Variants in CSNK1A1 observed in about 807,000 individuals in gnomAD.
The protein encoded by CSNK1A1 is casein kinase I isoform alpha.
Under a neutral mutation model 46.1 loss-of-function variants are expected in CSNK1A1, and 7 were observed. The observed-to-expected ratio is 0.15, with a 90% CI of 0.09 to 0.29. CSNK1A1 has a LOEUF of 0.29. CSNK1A1 is among the 10% of genes least tolerant of loss of function. The pLI is 1.00. For missense variants in CSNK1A1, 96 were observed against 417.1 expected (o/e 0.23, Z 6.71); for synonymous variants, 137 against 141.5 (o/e 0.97, Z 0.23).
intron 4 of CSNK1A1, among the ~76,000 whole-genome samples, chr5:149,518,216 C>G (rs1039003253): frequency 2.6e-5 from 4 of 151,932 alleles, no homozygotes; most frequent in South Asian, 2.1e-4. Context: ...CCCTTCCCCC[C>G]CAAAAAAATA....
chr5:149,550,988 G>C lies in CSNK1A1; in HGVS notation c.-24C>G. On this transcript the variant is annotated 5_prime_UTR_variant, in exon 1 of 10. Coordinates refer to ENST00000377843, the MANE Select transcript of CSNK1A1 (RefSeq NM_001892.6). This position sits in a 1 kb window ranked among gnomAD's most constrained non-coding sequence, Gnocchi z 4.3. ...ATCCTGAGAGACGAAGATGGAGGCT[G>C]GGGCCAAGCCCCGACACCTCTGGGA... 1 of 1,613,318 alleles carries C rather than the reference G, an allele frequency of 6.2e-7. No homozygotes were observed. The highest frequency in any genetic ancestry group is 8.5e-7 in the Non-Finnish European group (1 of 1,179,782).
chr5:149,496,895 T>A (rs1760670796), intron 9 of CSNK1A1, 35 bp from the exon 10 acceptor site: 1 of 1,532,456 alleles, frequency 6.5e-7, no homozygotes. Flanking sequence ...AAAGTTAAAA[T>A]TCCAAGTCAA....
chr5:149,514,346 A>G (rs1761332218), intron 4 of CSNK1A1, among the ~76,000 whole-genome samples: 1 of 152,244 alleles, frequency 6.6e-6, no homozygotes, highest in South Asian at 2.1e-4. Context: ...AACTATTTTT[A>G]TGAAAAAGAA....
rs1760614389 is a variant in CSNK1A1, at chr5:149,495,056, T to C, written c.*1797A>G. The C allele has an allele frequency of 6.6e-6, 1 of 152,114 alleles. No homozygotes were observed. The highest frequency in any genetic ancestry group is 1.5e-5 in the Non-Finnish European group (1 of 68,018). The allele number at this position is 152,114 out of a possible 1,614,324, so 9.4% of individuals were successfully genotyped here. On this transcript the variant is annotated 3_prime_UTR_variant, in exon 10 of 10. Transcript: ENST00000377843. ...AAGGGTTTATTAGTCAAGAAACAAATACCTCAACCGACAAGGGTGGATAGA... is the reference window on the plus strand; with the variant it reads ...AAGGGTTTATTAGTCAAGAAACAAACACCTCAACCGACAAGGGTGGATAGA...
Position 149,541,923 on chromosome 5 carries a change from A to T in CSNK1A1, c.230+8152T>A, listed in dbSNP as rs541892488. ...GAAGTGGAGGTTGCAGTGAGTCAAG[A>T]TCACGCCATTGCATCCCAGCCTGGG... On this transcript the variant is annotated intron_variant, in intron 2 of 9. Coordinates refer to ENST00000377843, the MANE Select transcript of CSNK1A1 (RefSeq NM_001892.6). Among the ~76,000 whole-genome samples, 3 of 145,208 alleles carry T rather than the reference A, an allele frequency of 2.1e-5. No individual in the cohort carries two copies. The East Asian group carries it at 6.4e-4, about 31-fold the overall frequency.
intron 2 of CSNK1A1, among the ~76,000 whole-genome samples, chr5:149,542,693 T>TATGTATATATATATATATA (rs1491456740): frequency 9.9e-5 from 1 of 10,086 alleles, no homozygotes; most frequent in African/African-American, 3.8e-4. Context: ...TATATATATA[T>TATGTATATATATATATATA]TTTTTTTTTT....
At chr5:149,545,894 CTTTT>C in intron 2 of CSNK1A1, 1 of 233,406 alleles carries the variant, frequency 4.3e-6, no homozygotes, top group Non-Finnish European at 8.3e-6. Context: ...CTTATCCTTG[CTTTT>C]TTTTTTTTGA....
At chr5:149,514,464 T>C (rs1276397821) in intron 4 of CSNK1A1, among the ~76,000 whole-genome samples, 1 of 152,206 alleles carries the variant, frequency 6.6e-6, no homozygotes, top group Non-Finnish European at 1.5e-5. Context: ...TAATAAAAGT[T>C]AATCTACAAA....
In CSNK1A1 at chr5:149,517,966, TAGAG is replaced by T; in HGVS notation, c.456+2320_456+2323del. Reference sequence around the variant, plus strand: ...GCGCAGACAGGCAACACCGAGGCATTAGAGAAAGAACAGGGTAGCCAAATGCCAT... The same window carrying T: ...GCGCAGACAGGCAACACCGAGGCATTAAAGAACAGGGTAGCCAAATGCCAT... On this transcript the variant is annotated intron_variant, in intron 4 of 9. Coordinates refer to ENST00000377843, the MANE Select transcript of CSNK1A1 (RefSeq NM_001892.6). The surrounding 1 kb of genome is among the most constrained non-coding windows in gnomAD (Gnocchi z 4.4). The T allele has an allele frequency of 2.5e-6, 2 of 797,056 alleles. No individual in the cohort carries two copies. Among genetic ancestry groups the T allele is most frequent in the Admixed American group, 4.2e-5 (2 of 47,430 alleles). The allele number at this position is 797,056 out of a possible 1,614,324, so 49.4% of individuals were successfully genotyped here. A position where few individuals can be genotyped will look rare whatever the true frequency, so the allele number is the denominator to read the frequency against.
intron 3 of CSNK1A1, among the ~76,000 whole-genome samples, chr5:149,524,030 AT>A (rs1761657405): frequency 6.6e-6 from 1 of 152,180 alleles, no homozygotes; most frequent in Non-Finnish European, 1.5e-5. Context: ...ACTTTATGAC[AT>A]TTACTTGAAA....
At chr5:149,506,182 C>T (rs1761018037) in intron 8 of CSNK1A1, among the ~76,000 whole-genome samples, 1 of 152,118 alleles carries the variant, frequency 6.6e-6, no homozygotes, top group South Asian at 2.1e-4. Context: ...CCCCATCGGC[C>T]TCCCAAAGTG....
rs1761227428 is a variant in CSNK1A1, at chr5:149,511,666, T to C, written c.675+128A>G. 12 of 661,386 alleles carry C rather than the reference T, an allele frequency of 1.8e-5. No individual in the cohort carries two copies. In the South Asian group the frequency reaches 2.3e-4, roughly 13 times the overall value. The allele number at this position is 661,386 out of a possible 1,614,324, so 41.0% of individuals were successfully genotyped here. On this transcript the variant is annotated intron_variant, in intron 6 of 9. Coordinates refer to ENST00000377843, the MANE Select transcript of CSNK1A1 (RefSeq NM_001892.6). ...TCCCAGATAAAAGGTAAAAAGTAAATTAAGGTTAATTCTTTATATCTCAGA... is the reference window on the plus strand; with the variant it reads ...TCCCAGATAAAAGGTAAAAAGTAAACTAAGGTTAATTCTTTATATCTCAGA...
Position 149,496,727 on chromosome 5 carries a change from T to C in CSNK1A1, c.*126A>G. 7.4e-7 allele frequency: 1 copy of C among 1,350,762 alleles called. No individual in the cohort carries two copies. The highest frequency in any genetic ancestry group is 2.5e-5 in the East Asian group (1 of 39,562). The allele number at this position is 1,350,762 out of a possible 1,614,324, so 83.7% of individuals were successfully genotyped here. Reference sequence around the variant, plus strand: ...CAGTTTATACTGAAATTAAGTTCTTTACACCAAGTAAATGGTTGTCCACAA... The same window carrying C: ...CAGTTTATACTGAAATTAAGTTCTTCACACCAAGTAAATGGTTGTCCACAA... On this transcript the variant is annotated 3_prime_UTR_variant, in exon 10 of 10. Transcript: ENST00000377843.
At chr5:149,522,250 G>A (rs1761594945) in intron 3 of CSNK1A1, among the ~76,000 whole-genome samples, 2 of 152,004 alleles carry the variant, frequency 1.3e-5, no homozygotes, top group South Asian at 4.1e-4. Context: ...TGGAACTACG[G>A]ACATGCGCGT....
At chr5:149,501,446 AG>A in intron 9 of CSNK1A1, 1 of 985,474 alleles carries the variant, frequency 1.0e-6, no homozygotes, top group Non-Finnish European at 1.2e-6. Flanking sequence ...TGGTGAACTC[AG>A]AAAAAGTCAA....
At chr5:149,511,936 G>T in intron 5 of CSNK1A1, 64 bp from the exon 6 acceptor site, 2 of 1,235,600 alleles carry the variant, frequency 1.6e-6, no homozygotes, top group Non-Finnish European at 2.3e-6. Flanking sequence ...ATGAAAGAAA[G>T]TCAAGTACCC....
Position 149,497,065 on chromosome 5 carries a change from ACT to A in CSNK1A1, c.1007-207_1007-206del, listed in dbSNP as rs1760676225. On this transcript the variant is annotated intron_variant, in intron 9 of 9. Transcript: ENST00000377843. ...AAACTAATTTTTTCTGTTTTGAATGACTCTAGGAAGGAGTGGTACAGTGAATT... is the reference window on the plus strand; with the variant it reads ...AAACTAATTTTTTCTGTTTTGAATGACTAGGAAGGAGTGGTACAGTGAATT... 9 of 1,392,256 alleles carry A rather than the reference ACT, an allele frequency of 6.5e-6. No individual in the cohort carries two copies. In the South Asian group the frequency reaches 1.5e-4, roughly 23 times the overall value. 86.2% of individuals were successfully genotyped at this position (1,392,256 alleles called of 1,614,324 possible).
intron 4 of CSNK1A1, among the ~76,000 whole-genome samples, chr5:149,518,210 T>TC (rs1001524208): frequency 1.3e-5 from 2 of 151,444 alleles, no homozygotes; most frequent in African/African-American, 2.4e-5. Flanking sequence ...AATCTGCCCT[T>TC]CCCCCCCAAA....
chr5:149,498,564 G>A, intron 9 of CSNK1A1: 1 of 984,968 alleles, frequency 1.0e-6, no homozygotes, highest in Non-Finnish European at 1.2e-6. Flanking sequence ...AAGCTATGCA[G>A]GTTAAGAAAC....
Sources: gnomAD v4.1 joint callset for allele counts (sites outside exome capture counted in the v4.1 genomes callset) on GRCh38, gnomAD v4.1.1 for gene constraint, Gnocchi (gnomAD v3.1) non-coding constraint, MANE v1.5 for transcripts, NCBI Gene and HGNC (gene_info 2026-07-23, HGNC 2026-07-21) for gene names.